STK32B: variants seen among roughly 807,000 people sequenced by gnomAD.
STK32B encodes the protein serine/threonine kinase 32B, also known as serine/threonine-protein kinase 32B.
A neutral mutation model predicts 52.6 loss-of-function variants in STK32B; 43 were observed. That is an observed-to-expected ratio of 0.82 (90% CI 0.64 to 1.05). STK32B has a LOEUF of 1.05. Ranked by LOEUF, STK32B falls within the 50% of genes least tolerant of loss-of-function variation. STK32B has a pLI of 0.00. For synonymous variants in STK32B, 238 were observed against 204.3 expected (o/e 1.17, Z -1.41); for missense variants, 621 against 534.6 (o/e 1.16, Z -1.59).
chr4:5,433,290 A>G (rs549998947), intron 6 of STK32B, among the ~76,000 whole-genome samples: 2 of 152,302 alleles, frequency 1.3e-5, no homozygotes, highest in African/African-American at 4.8e-5. Context: ...CAGGTTTCTG[A>G]CTGTGCTGCT....
At chr4:5,321,559 C>T (rs772193697) in intron 3 of STK32B, among the ~76,000 whole-genome samples, 1 of 152,166 alleles carries the variant, frequency 6.6e-6, no homozygotes, top group Non-Finnish European at 1.5e-5. Flanking sequence ...AGTACGTGTG[C>T]CTCTCCTTCG....
chr4:5,148,354 T>A (rs1050238493), intron 2 of STK32B, among the ~76,000 whole-genome samples: 17 of 151,800 alleles, frequency 1.1e-4, no homozygotes, highest in African/African-American at 4.1e-4. Flanking sequence ...TTTAGACATT[T>A]TGTTCTAATA....
chr4:5,131,318 A>G (rs927715812), intron 1 of STK32B, among the ~76,000 whole-genome samples: 2 of 152,242 alleles, frequency 1.3e-5, no homozygotes, highest in Non-Finnish European at 2.9e-5. Context: ...AGATCGCTGT[A>G]CAATCACTGA....
At chr4:5,078,941 A>C (rs1712243632) in intron 1 of STK32B, among the ~76,000 whole-genome samples, 1 of 152,246 alleles carries the variant, frequency 6.6e-6, no homozygotes. Flanking sequence ...TAGAATAACT[A>C]TCTCTGTTAA....
At chr4:5,183,999 G>A (rs1165482546) in intron 3 of STK32B, among the ~76,000 whole-genome samples, 1 of 152,170 alleles carries the variant, frequency 6.6e-6, no homozygotes, top group African/African-American at 2.4e-5. Flanking sequence ...CGTATCAGCA[G>A]TTAGGCAGTT....
chr4:5,161,474 C>T (rs1015269124), intron 2 of STK32B, among the ~76,000 whole-genome samples: 3 of 152,132 alleles, frequency 2.0e-5, no homozygotes, highest in African/African-American at 7.2e-5. Flanking sequence ...TTGTTCCAGA[C>T]ATTACATCCG....
At chr4:5,316,890 ATT>A (rs1251347288) in intron 3 of STK32B, among the ~76,000 whole-genome samples, 3 of 15,114 alleles carry the variant, frequency 2.0e-4, no homozygotes, top group South Asian at 1.9e-3. Flanking sequence ...TATTATATAT[ATT>A]ATATATAATA....
intron 1 of STK32B, among the ~76,000 whole-genome samples, chr4:5,126,762 G>A (rs150089336): frequency 1.7e-4 from 26 of 152,204 alleles, no homozygotes; most frequent in African/African-American, 5.8e-4. Flanking sequence ...TGTAAAGGCC[G>A]CCTATCTCTC....
intron 3 of STK32B, among the ~76,000 whole-genome samples, chr4:5,257,023 A>G (rs1267789213): frequency 1.3e-5 from 2 of 151,976 alleles, no homozygotes; most frequent in South Asian, 4.2e-4. Context: ...GAATAAGTGA[A>G]TGAGTGGATG....
chr4:5,411,054 G>A (rs1475999725), intron 5 of STK32B, among the ~76,000 whole-genome samples: 1 of 114,712 alleles, frequency 8.7e-6, no homozygotes, highest in South Asian at 2.8e-4. Context: ...TTTTTTTTTT[G>A]AGATGGTGTC....
At chr4:5,252,516 C>T (rs920705387) in intron 3 of STK32B, among the ~76,000 whole-genome samples, 1 of 152,174 alleles carries the variant, frequency 6.6e-6, no homozygotes, top group Non-Finnish European at 1.5e-5. Flanking sequence ...TGATGAGTGG[C>T]CCCATCTGCA....
chr4:5,307,733 G>T (rs1292721686), intron 3 of STK32B, among the ~76,000 whole-genome samples: 1 of 152,036 alleles, frequency 6.6e-6, no homozygotes, highest in Non-Finnish European at 1.5e-5. Context: ...ATATTTTCTG[G>T]TTCCTTCTCA....
intron 2 of STK32B, among the ~76,000 whole-genome samples, chr4:5,150,574 AT>A (rs36018984): frequency 6.0e-5 from 9 of 150,362 alleles, no homozygotes; most frequent in African/African-American, 2.2e-4. Flanking sequence ...ATCTCAGTCC[AT>A]TTTTTTTTTC....
intron 3 of STK32B, among the ~76,000 whole-genome samples, chr4:5,320,573 AT>A (rs1660855377): frequency 6.6e-6 from 1 of 152,174 alleles, no homozygotes. Flanking sequence ...CTCAAGTTAC[AT>A]TTCAAATACA....
chr4:5,270,969 G>A (rs990314381), intron 3 of STK32B, among the ~76,000 whole-genome samples: 1 of 147,888 alleles, frequency 6.8e-6, no homozygotes, highest in African/African-American at 2.5e-5. Flanking sequence ...GAGACAGAGT[G>A]CTGTGTCACC....
At chr4:5,350,029 G>A (rs2108983835) in intron 4 of STK32B, among the ~76,000 whole-genome samples, 1 of 152,250 alleles carries the variant, frequency 6.6e-6, no homozygotes, top group South Asian at 2.1e-4. Context: ...TGTCCCAGAA[G>A]GAGAATAGAG....
intron 11 of STK32B, among the ~76,000 whole-genome samples, chr4:5,491,116 A>T (rs527999856): frequency 6.6e-6 from 1 of 152,336 alleles, no homozygotes; most frequent in East Asian, 1.9e-4. Flanking sequence ...GTCAAATGGT[A>T]TTTCCAGTTC....
chr4:5,260,397 A>G (rs1726634950), intron 3 of STK32B, among the ~76,000 whole-genome samples: 1 of 152,194 alleles, frequency 6.6e-6, no homozygotes, highest in Non-Finnish European at 1.5e-5. Context: ...TAGTGTGGGC[A>G]GCAGACAGCT....
intron 6 of STK32B, among the ~76,000 whole-genome samples, chr4:5,445,492 A>T (rs764452411): frequency 3.3e-5 from 5 of 152,070 alleles, no homozygotes; most frequent in African/African-American, 9.7e-5. Flanking sequence ...AGACCCTACA[A>T]TGCACTCCGG....
Sources: allele counts gnomAD v4.1 joint callset (sites outside exome capture counted in the v4.1 genomes callset), GRCh38; gene constraint gnomAD v4.1.1; transcripts MANE v1.5; gene names NCBI Gene and HGNC (gene_info 2026-07-23, HGNC 2026-07-21).